SMAP2: variants seen among roughly 807,000 people sequenced by gnomAD.
The protein encoded by SMAP2 is small ArfGAP2, also known as stromal membrane-associated protein 2.
A neutral mutation model predicts 56.4 loss-of-function variants in SMAP2; 25 were observed. That is an observed-to-expected ratio of 0.44 (90% CI 0.32 to 0.62). The LOEUF is 0.62. Among genes scored for constraint, SMAP2 ranks in the 20% least tolerant of loss-of-function variants. The pLI, the probability that SMAP2 is intolerant of heterozygous loss-of-function variation, is 0.04. For synonymous variants in SMAP2, 157 were observed against 181.7 expected, an observed-to-expected ratio of 0.86 and a Z score of 1.09; for missense variants, 388 against 545.6, an observed-to-expected ratio of 0.71 and a Z score of 2.88.
chr1:40,417,017 A>ACATGGCAGG lies in SMAP2; in HGVS notation c.1094_1102dup (p.Gly365_Ala367dup). 1 of 1,614,162 alleles carries ACATGGCAGG rather than the reference A, an allele frequency of 6.2e-7. No individual in the cohort carries two copies. The highest frequency in any genetic ancestry group is 1.1e-5 in the South Asian group (1 of 91,084). On this transcript the variant is annotated inframe_insertion, in exon 9 of 10. Coordinates refer to ENST00000372718, the MANE Select transcript of SMAP2 (RefSeq NM_022733.3). Reference sequence around the variant, plus strand: ...ATGATGACCACCCAGCAGGCTGGCTACATGGCAGGCATGGCAGCTATGCCC... The same window carrying ACATGGCAGG: ...ATGATGACCACCCAGCAGGCTGGCTACATGGCAGGCATGGCAGGCATGGCAGCTATGCCC...
chr1:40,412,783 TAGG>T (rs1644948942), intron 4 of SMAP2, among the ~76,000 whole-genome samples: 1 of 152,134 alleles, frequency 6.6e-6, no homozygotes, highest in African/African-American at 2.4e-5. Context: ...ATGAGTGGGT[TAGG>T]AGGGCGGGCG....
At chr1:40,368,369 C>G in intron 2 of SMAP2, among the ~76,000 whole-genome samples, 1 of 57,852 alleles carries the variant, frequency 1.7e-5, no homozygotes, top group Non-Finnish European at 3.2e-5. Flanking sequence ...CAGCATCATT[C>G]TGATACCAAA....
At chr1:40,383,890 C>G (rs1222678272) in intron 1 of SMAP2, among the ~76,000 whole-genome samples, 2 of 149,866 alleles carry the variant, frequency 1.3e-5, no homozygotes, top group African/African-American at 4.9e-5. Context: ...ACAGCTCACT[C>G]TTTTTTTTTT....
rs1201852536 is a variant in SMAP2 at position 40,406,759 on chromosome 1, A to C, written c.127A>C (p.Ile43Leu). 5 of 1,613,686 alleles carry C rather than the reference A, an allele frequency of 3.1e-6. No individual in the cohort carries two copies. Among genetic ancestry groups the C allele is most frequent in the Non-Finnish European group, 4.2e-6 (5 of 1,179,778 alleles). ...AGGGCCGCGATGGGCCTCTTGGAACATTGGTGTGTTCATCTGCATTCGATG... is the reference window on the plus strand; with the variant it reads ...AGGGCCGCGATGGGCCTCTTGGAACCTTGGTGTGTTCATCTGCATTCGATG... ...SKGPRWASWNIGVFICIRCAG... is the reference protein window; with the variant it reads ...SKGPRWASWNLGVFICIRCAG... The change falls in exon 2 of 10, where the codon ATT becomes CTT. Residue 43 changes from isoleucine to leucine, a missense_variant. By Grantham distance (5) the Ile-to-Leu change is conservative (BLOSUM62 2). Transcript: ENST00000372718.
intron 1 of SMAP2, 45 bp from the exon 2 acceptor site, chr1:40,406,691 A>C: frequency 6.4e-7 from 1 of 1,568,794 alleles, no homozygotes. Flanking sequence ...TTAGGCCTTG[A>C]ATGTTGTAAT....
chr1:40,359,943 G>A (rs943278992), intron 1 of SMAP2, among the ~76,000 whole-genome samples: 18 of 149,606 alleles, frequency 1.2e-4, no homozygotes, highest in African/African-American at 3.0e-4. Flanking sequence ...TTTTAACTTC[G>A]TATTACAGAA....
intron 4 of SMAP2, among the ~76,000 whole-genome samples, chr1:40,412,801 A>G (rs1644949323): frequency 6.6e-6 from 1 of 152,190 alleles, no homozygotes; most frequent in Non-Finnish European, 1.5e-5. Context: ...CGGGCGCCTA[A>G]GGTGTTTGGA....
intron 4 of SMAP2, among the ~76,000 whole-genome samples, chr1:40,411,343 G>C (rs942899382): frequency 1.1e-4 from 17 of 152,204 alleles, no homozygotes; most frequent in Non-Finnish European, 2.4e-4. Context: ...ACTGTGGTCT[G>C]TCTGCCCAGC....
chr1:40,374,057 T>A lies in SMAP2; in HGVS notation c.-64T>A. On this transcript the variant is annotated 5_prime_UTR_variant, in exon 1 of 10. Transcript: ENST00000372718. The surrounding 1 kb of genome is among the most constrained non-coding windows in gnomAD (Gnocchi z 5.9). ...GGACCGGGAGTCCTCAACCCCGGAC[T>A]GAGGCAGGGGTCTCTGGGGGCGAGG... The A allele has an allele frequency of 7.5e-7, 1 of 1,330,478 alleles. No individual in the cohort carries two copies. The highest frequency in any genetic ancestry group is 1.1e-6 in the Non-Finnish European group (1 of 940,356). 82.4% of individuals were successfully genotyped at this position (1,330,478 alleles called of 1,614,324 possible).
chr1:40,397,655 G>T (rs1644785403), intron 1 of SMAP2, among the ~76,000 whole-genome samples: 1 of 152,096 alleles, frequency 6.6e-6, no homozygotes, highest in Non-Finnish European at 1.5e-5. Flanking sequence ...TCAAGTGTTT[G>T]TGATAAATGA....
At chr1:40,410,877 A>G (rs1463576933) in intron 4 of SMAP2, among the ~76,000 whole-genome samples, 1 of 152,238 alleles carries the variant, frequency 6.6e-6, no homozygotes, top group Non-Finnish European at 1.5e-5. Context: ...TCTCTTAGGA[A>G]TAATTGGCTA....
chr1:40,389,352 G>A (rs896126002), intron 1 of SMAP2, among the ~76,000 whole-genome samples: 2 of 152,300 alleles, frequency 1.3e-5, no homozygotes, highest in South Asian at 2.1e-4. Context: ...GATGAGGACA[G>A]GGACTGTGTT....
intron 1 of SMAP2, among the ~76,000 whole-genome samples, chr1:40,392,621 G>C (rs554701225): frequency 1.3e-5 from 2 of 152,204 alleles, no homozygotes; most frequent in African/African-American, 4.8e-5. Context: ...CAGGGTCTTT[G>C]TGTAAAGGAA....
At chr1:40,393,250 T>C (rs1282600198) in intron 1 of SMAP2, 3 of 1,366,846 alleles carry the variant, frequency 2.2e-6, no homozygotes, top group African/African-American at 1.5e-5. Context: ...TGCTTGAGCA[T>C]AGGAGATTGA....
chr1:40,398,119 A>G (rs988038067), intron 1 of SMAP2, among the ~76,000 whole-genome samples: 6 of 152,252 alleles, frequency 3.9e-5, no homozygotes, highest in Non-Finnish European at 7.3e-5. Context: ...CAAACAATTC[A>G]GAGAGGATAT....
At chr1:40,367,937 A>C (rs1466911681) in intron 2 of SMAP2, among the ~76,000 whole-genome samples, 2 of 127,092 alleles carry the variant, frequency 1.6e-5, no homozygotes, top group Non-Finnish European at 3.3e-5. Context: ...AAGGATCAAC[A>C]AAATTGATAG....
chr1:40,365,516 C>T (rs1188207879), intron 2 of SMAP2, among the ~76,000 whole-genome samples: 1 of 152,092 alleles, frequency 6.6e-6, no homozygotes, highest in Non-Finnish European at 1.5e-5. Context: ...AATTCTATAA[C>T]TGGATACATT....
chr1:40,398,263 CT>C (rs1644792714), intron 1 of SMAP2, among the ~76,000 whole-genome samples: 1 of 152,050 alleles, frequency 6.6e-6, no homozygotes, highest in South Asian at 2.1e-4. Flanking sequence ...AGGTCTCACT[CT>C]GTTCCCTAGG....
chr1:40,417,419 T>C (rs549468718), intron 9 of SMAP2, among the ~76,000 whole-genome samples: 1 of 152,266 alleles, frequency 6.6e-6, no homozygotes, highest in South Asian at 2.1e-4. Flanking sequence ...TCTCATTTGG[T>C]AGACAGAATA....
Sources: gnomAD v4.1 joint callset for allele counts (sites outside exome capture counted in the v4.1 genomes callset) on GRCh38, gnomAD v4.1.1 for gene constraint, Gnocchi (gnomAD v3.1) non-coding constraint, MANE v1.5 for transcripts, NCBI Gene and HGNC (gene_info 2026-07-23, HGNC 2026-07-21) for gene names.